Variants in ZNF771 observed in about 807,000 individuals in gnomAD.
The protein encoded by ZNF771 is zinc finger protein 771.
In ZNF771, 10 loss-of-function variants were observed where a neutral mutation model predicts 27.6. The observed-to-expected ratio is 0.36, with a 90% CI of 0.22 to 0.61. The LOEUF is 0.61. Among genes scored for constraint, ZNF771 ranks in the 20% least tolerant of loss-of-function variants. The pLI is 0.70. For synonymous variants in ZNF771, 261 were observed against 225.2 expected (o/e 1.16, Z -1.43); for missense variants, 438 against 503.7 (o/e 0.87, Z 1.25).
In ZNF771 at chr16:30,418,619, G is replaced by A; in HGVS notation, c.*252G>A. ...CACCCCACCCGTGCCTGTGAGTGAG[G>A]TGGGTGGGAGAGGAAGAAAGTTGGG... is the stretch of plus-strand genomic sequence containing the variant. On this transcript the variant is annotated 3_prime_UTR_variant, in exon 3 of 3. Coordinates refer to ENST00000319296, the MANE Select transcript of ZNF771 (RefSeq NM_001142305.2). The A allele has an allele frequency of 5.0e-6, 2 of 403,656 alleles. No individual in the cohort carries two copies. Among genetic ancestry groups the A allele is most frequent in the Non-Finnish European group, 8.7e-6 (2 of 230,908 alleles). The allele number at this position is 403,656 out of a possible 1,614,324, so 25.0% of individuals were successfully genotyped here. A position where few individuals can be genotyped will look rare whatever the true frequency, so the allele number is the denominator to read the frequency against.
In ZNF771 at chr16:30,418,059, T is replaced by TCGGCGCTGGCCAAGCAC. The variant is rs1476841980; in HGVS notation, c.653_669dup (p.Val224TrpfsTer53). On this transcript the variant is annotated frameshift_variant, in exon 3 of 3. Transcript: ENST00000319296. LOFTEE classifies it high-confidence loss of function. ...CTGCGGCACGCGCTTCGCTCAGAGC[T>TCGGCGCTGGCCAAGCAC]CGGCGCTGGCCAAGCACCGGCGCGT... is the stretch of plus-strand genomic sequence containing the variant. 1.4e-6 allele frequency: 2 copies of TCGGCGCTGGCCAAGCAC among 1,471,174 alleles called. No homozygotes were observed. Among genetic ancestry groups the TCGGCGCTGGCCAAGCAC allele is most frequent in the South Asian group, 1.3e-5 (1 of 75,914 alleles). 91.1% of individuals were successfully genotyped at this position (1,471,174 alleles called of 1,614,324 possible). A position where few individuals can be genotyped will look rare whatever the true frequency, so the allele number is the denominator to read the frequency against.
At chr16:30,412,971 C>T (rs977436006) in intron 2 of ZNF771, among the ~76,000 whole-genome samples, 1 of 152,124 alleles carries the variant, frequency 6.6e-6, no homozygotes, top group Non-Finnish European at 1.5e-5. Context: ...GCTAAGGTAC[C>T]TAACGAAAGC....
At chr16:30,411,177 G>A (rs962050591) in intron 2 of ZNF771, among the ~76,000 whole-genome samples, 2 of 151,920 alleles carry the variant, frequency 1.3e-5, no homozygotes, top group African/African-American at 2.4e-5. Flanking sequence ...AAATTAGCCG[G>A]GTGTGGTGGC....
intron 2 of ZNF771, among the ~76,000 whole-genome samples, chr16:30,409,232 T>C (rs1354220515): frequency 6.6e-6 from 1 of 152,142 alleles, no homozygotes; most frequent in African/African-American, 2.4e-5. Context: ...CACCTCAGCC[T>C]CCCAAAGTGC....
In ZNF771 at chr16:30,419,224, A is replaced by C. The variant is rs532132699; in HGVS notation, c.*857A>C. 1 of 150,076 alleles carries C rather than the reference A, an allele frequency of 6.7e-6. No individual in the cohort carries two copies. Among genetic ancestry groups the C allele is most frequent in the East Asian group, 2.0e-4 (1 of 4,964 alleles). 9.3% of individuals were successfully genotyped at this position (150,076 alleles called of 1,614,324 possible). On this transcript the variant is annotated 3_prime_UTR_variant, in exon 3 of 3. Coordinates refer to ENST00000319296, the MANE Select transcript of ZNF771 (RefSeq NM_001142305.2). ...GCACTCCGGCCTGGGCAACAGAGGA[A>C]GACTGCCTCAAACAAACAAAAAACA...
intron 2 of ZNF771, among the ~76,000 whole-genome samples, chr16:30,409,097 C>A (rs1233331545): frequency 6.6e-6 from 1 of 152,150 alleles, no homozygotes; most frequent in African/African-American, 2.4e-5. Flanking sequence ...ACCTCAGCCT[C>A]CCAAGAAGCT....
intron 2 of ZNF771, 67 bp downstream of exon 2, chr16:30,408,261 T>G: frequency 6.2e-7 from 1 of 1,607,450 alleles, no homozygotes; most frequent in Non-Finnish European, 8.5e-7. Context: ...CTCCCTCAGA[T>G]AGAAGCCAGG....
At chr16:30,415,794 C>T (rs1244194597) in intron 2 of ZNF771, among the ~76,000 whole-genome samples, 1 of 152,170 alleles carries the variant, frequency 6.6e-6, no homozygotes, top group Non-Finnish European at 1.5e-5. Flanking sequence ...TTAATATGCC[C>T]CAGGCACTTC....
intron 2 of ZNF771, among the ~76,000 whole-genome samples, chr16:30,417,311 G>A (rs921401678): frequency 2.6e-5 from 4 of 152,244 alleles, no homozygotes; most frequent in Non-Finnish European, 5.9e-5. Context: ...CTAGGACACT[G>A]CATGCCCTCA....
rs557298063 is a variant in ZNF771 at position 30,417,135 on chromosome 16, C to T, written c.142-420C>T. ...GGGCTATCCACGTAGCCTGCTCTGT[C>T]ACCTCCTTTAAGTCTTTGCTCATGT... On this transcript the variant is annotated intron_variant, in intron 2 of 2. Transcript: ENST00000319296. Among the ~76,000 whole-genome samples the T allele has an allele frequency of 2.0e-5, 3 of 152,330 alleles. No homozygotes were observed. The South Asian group carries it at 6.2e-4, about 32-fold the overall frequency.
In ZNF771 at chr16:30,417,947, G is replaced by C. The variant is rs1164598861; in HGVS notation, c.534G>C (p.Pro178=). 2 of 1,501,166 alleles carry C rather than the reference G, an allele frequency of 1.3e-6. No individual in the cohort carries two copies. Among genetic ancestry groups the C allele is most frequent in the Non-Finnish European group, 1.8e-6 (2 of 1,135,500 alleles). 93.0% of individuals were successfully genotyped at this position (1,501,166 alleles called of 1,614,324 possible). Residue 178 remains proline (P), a synonymous_variant, in exon 3 of 3, where the codon CCG becomes CCC. Transcript: ENST00000319296. The part of the protein sequence containing the change: ...VHTGEKPYAC[P]DCGRAFGGSS... ...CGGGCGAGAAGCCGTACGCGTGCCC[G>C]GACTGCGGACGCGCCTTTGGCGGCA... is the stretch of plus-strand genomic sequence containing the variant.
intron 2 of ZNF771, among the ~76,000 whole-genome samples, chr16:30,410,250 G>A (rs1002383839): frequency 2.0e-5 from 3 of 151,936 alleles, no homozygotes; most frequent in Non-Finnish European, 4.4e-5. Flanking sequence ...TTATAGGTGC[G>A]CACTACCATG....
Position 30,418,599 on chromosome 16 carries a change from C to G in ZNF771, c.*232C>G. On this transcript the variant is annotated 3_prime_UTR_variant, in exon 3 of 3. Transcript: ENST00000319296. Reference sequence around the variant, plus strand: ...TGAATAAAGTATTATATCCTCACCCCACCCGTGCCTGTGAGTGAGGTGGGT... The same window carrying G: ...TGAATAAAGTATTATATCCTCACCCGACCCGTGCCTGTGAGTGAGGTGGGT... The G allele has an allele frequency of 2.4e-6, 1 of 422,486 alleles. No homozygotes were observed. The highest frequency in any genetic ancestry group is 8.7e-5 in the South Asian group (1 of 11,474). The allele number at this position is 422,486 out of a possible 1,614,324, so 26.2% of individuals were successfully genotyped here. A position where few individuals can be genotyped will look rare whatever the true frequency, so the allele number is the denominator to read the frequency against.
At position 30,416,920 on chromosome 16, in the gene ZNF771, TA is replaced by T. The variant is rs34982677; in HGVS notation, c.142-613del. On this transcript the variant is annotated intron_variant, in intron 2 of 2. Coordinates refer to ENST00000319296, the MANE Select transcript of ZNF771 (RefSeq NM_001142305.2). ...TGGGCCACGGCAAGACCCTGTCTCTTAAAAAAAAAAAAAAAAAAAAAAGCCA... is the reference window on the plus strand; with the variant it reads ...TGGGCCACGGCAAGACCCTGTCTCTTAAAAAAAAAAAAAAAAAAAAAGCCA... Among the ~76,000 whole-genome samples the T allele has an allele frequency of 8.9e-3, 895 of 100,818 alleles. 10 individuals are homozygous for T. Among genetic ancestry groups the T allele is most frequent in the South Asian group, 0.061 (174 of 2,860 alleles). 66.1% of individuals were successfully genotyped at this position (100,818 alleles called of 152,430 possible). A position where few individuals can be genotyped will look rare whatever the true frequency, so the allele number is the denominator to read the frequency against.
chr16:30,411,875 G>T (rs915803681), intron 2 of ZNF771, among the ~76,000 whole-genome samples: 1 of 152,180 alleles, frequency 6.6e-6, no homozygotes, highest in South Asian at 2.1e-4. Flanking sequence ...TCACTGTCCA[G>T]AAGGGCCTTA....
intron 2 of ZNF771, 64 bp from the exon 3 acceptor site, chr16:30,417,491 G>C: frequency 9.0e-7 from 1 of 1,105,448 alleles, no homozygotes; most frequent in South Asian, 4.6e-5. Context: ...GCAGCCTGTG[G>C]AGACCCAGGT....
chr16:30,410,817 C>T (rs886541210), intron 2 of ZNF771, among the ~76,000 whole-genome samples: 3 of 124,222 alleles, frequency 2.4e-5, no homozygotes, highest in Admixed American at 1.0e-4. Context: ...CCCAGGAGTT[C>T]GATTCCTCCC....
intron 2 of ZNF771, among the ~76,000 whole-genome samples, chr16:30,409,491 G>A (rs1355223373): frequency 2.0e-5 from 3 of 152,112 alleles, no homozygotes; most frequent in South Asian, 2.1e-4. Context: ...ATACGTTTCC[G>A]CTTCTCAGAA....
chr16:30,418,510 C>T lies in ZNF771; in HGVS notation c.*143C>T, dbSNP rs2050151110. The T allele has an allele frequency of 1.2e-6, 1 of 813,508 alleles. No homozygotes were observed. Among genetic ancestry groups the T allele is most frequent in the South Asian group, 2.3e-5 (1 of 42,986 alleles). 50.4% of individuals were successfully genotyped at this position (813,508 alleles called of 1,614,324 possible). ...CTGGAACTGGGAGACAGGGAGAATC[C>T]CCTGCCGGGGTCCCTGGAAACAGTG... On this transcript the variant is annotated 3_prime_UTR_variant, in exon 3 of 3. Coordinates refer to ENST00000319296, the MANE Select transcript of ZNF771 (RefSeq NM_001142305.2).
Sources: gnomAD v4.1 joint callset for allele counts (sites outside exome capture counted in the v4.1 genomes callset) on GRCh38, gnomAD v4.1.1 for gene constraint, MANE v1.5 for transcripts, NCBI Gene and HGNC (gene_info 2026-07-23, HGNC 2026-07-21) for gene names.